The following GABRG3 variants were observed in gnomAD, a reference collection of about 807,000 sequenced individuals.
GABRG3 encodes gamma-aminobutyric acid type A receptor subunit gamma3.
In GABRG3, 25 loss-of-function variants were observed where a neutral mutation model predicts 48.8. The observed-to-expected ratio is 0.51, with a 90% CI of 0.37 to 0.72. The LOEUF is 0.72. Ranked by LOEUF, GABRG3 falls within the 30% of genes least tolerant of loss-of-function variation. The pLI, the probability that GABRG3 is intolerant of heterozygous loss-of-function variation, is 0.00. For synonymous variants in GABRG3, 227 were observed against 217.6 expected, an observed-to-expected ratio of 1.04 and a Z score of -0.38; for missense variants, 394 against 577.9, an observed-to-expected ratio of 0.68 and a Z score of 3.26.
At chr15:27,174,719 G>T (rs982340607) in intron 3 of GABRG3, among the ~76,000 whole-genome samples, 1 of 151,846 alleles carries the variant, frequency 6.6e-6, no homozygotes, top group Non-Finnish European at 1.5e-5. Flanking sequence ...TTCTCAGATT[G>T]TCCTATCTTT....
At chr15:27,238,447 G>A (rs981015022) in intron 3 of GABRG3, among the ~76,000 whole-genome samples, 2 of 152,224 alleles carry the variant, frequency 1.3e-5, no homozygotes, top group African/African-American at 4.8e-5. Flanking sequence ...TATTAGGGAG[G>A]CCACCGCGGG....
intron 5 of GABRG3, among the ~76,000 whole-genome samples, chr15:27,395,815 G>C (rs1281016073): frequency 6.6e-6 from 1 of 152,190 alleles, no homozygotes; most frequent in East Asian, 1.9e-4. Flanking sequence ...GCATTTCTTA[G>C]ATACTGCACC....
chr15:27,313,413 C>G (rs1170020692), intron 3 of GABRG3, among the ~76,000 whole-genome samples: 1 of 148,974 alleles, frequency 6.7e-6, no homozygotes, highest in Non-Finnish European at 1.5e-5. Context: ...ACCCCACTTT[C>G]AATACTGGAT....
intron 3 of GABRG3, among the ~76,000 whole-genome samples, chr15:27,057,223 CT>C (rs1896564161): frequency 1.3e-5 from 2 of 152,266 alleles, no homozygotes; most frequent in South Asian, 4.1e-4. Flanking sequence ...ACACATGAAA[CT>C]CCTCTGCTTC....
chr15:27,261,030 A>G (rs1236363747), intron 3 of GABRG3, among the ~76,000 whole-genome samples: 5 of 152,228 alleles, frequency 3.3e-5, no homozygotes. Flanking sequence ...TTAAAAAAGT[A>G]TACATTGCAT....
At chr15:27,366,212 G>A (rs1394966676) in intron 5 of GABRG3, 1 of 152,166 alleles carries the variant, frequency 6.6e-6, no homozygotes, top group Non-Finnish European at 1.5e-5. Context: ...ACGCAGGCAT[G>A]TGGACTCGGG....
intron 6 of GABRG3, among the ~76,000 whole-genome samples, chr15:27,485,463 G>A (rs1240330783): frequency 6.6e-6 from 1 of 152,140 alleles, no homozygotes; most frequent in Admixed American, 6.6e-5. Flanking sequence ...GCACCAGGAG[G>A]GGGCGTCACG....
chr15:27,214,138 C>G (rs753088061), intron 3 of GABRG3, among the ~76,000 whole-genome samples: 22 of 152,100 alleles, frequency 1.4e-4, no homozygotes, highest in Admixed American at 1.2e-3. Flanking sequence ...CTCTGATGGG[C>G]TCAATGTCAG....
chr15:27,360,321 G>A (rs1163822248), intron 5 of GABRG3, among the ~76,000 whole-genome samples: 1 of 152,152 alleles, frequency 6.6e-6, no homozygotes, highest in Non-Finnish European at 1.5e-5. Context: ...GACTTGACAA[G>A]GTCGGGTGGA....
intron 5 of GABRG3, among the ~76,000 whole-genome samples, chr15:27,449,122 C>T (rs1481278377): frequency 1.3e-5 from 2 of 152,178 alleles, no homozygotes; most frequent in African/African-American, 2.4e-5. Context: ...CCTTGCCCTG[C>T]TTTTCTTCTG....
At chr15:27,438,821 C>T (rs74006943) in intron 5 of GABRG3, among the ~76,000 whole-genome samples, 8,272 of 152,202 alleles carry the variant, frequency 0.054, 763 homozygotes, top group African/African-American at 0.19. Context: ...ACCGTGACAC[C>T]CAGCCAGGGT....
chr15:27,499,833 C>G (rs1890575848), intron 6 of GABRG3, among the ~76,000 whole-genome samples: 1 of 152,156 alleles, frequency 6.6e-6, no homozygotes, highest in Non-Finnish European at 1.5e-5. Flanking sequence ...GGAGCCTGAG[C>G]TCACCCCAGG....
At chr15:27,362,538 CA>C in intron 5 of GABRG3, 2 of 152,260 alleles carry the variant, frequency 1.3e-5, no homozygotes, top group Middle Eastern at 3.4e-3. Flanking sequence ...TAGTTTTTAG[CA>C]AAAAACTACA....
intron 3 of GABRG3, among the ~76,000 whole-genome samples, chr15:27,120,147 G>A (rs925055278): frequency 6.6e-6 from 1 of 152,146 alleles, no homozygotes; most frequent in South Asian, 2.1e-4. Flanking sequence ...AAAACTCCAT[G>A]TGTCCCCAGA....
At chr15:27,310,418 A>C (rs1217214195) in intron 3 of GABRG3, among the ~76,000 whole-genome samples, 1 of 152,160 alleles carries the variant, frequency 6.6e-6, no homozygotes, top group African/African-American at 2.4e-5. Context: ...AAATCTAGTA[A>C]AAGATGAGTA....
At chr15:27,159,396 C>T (rs997523989) in intron 3 of GABRG3, among the ~76,000 whole-genome samples, 7 of 151,820 alleles carry the variant, frequency 4.6e-5, no homozygotes, top group African/African-American at 9.7e-5. Context: ...GCATGAGAAT[C>T]GCTTGAACCT....
intron 3 of GABRG3, among the ~76,000 whole-genome samples, chr15:27,313,751 G>C (rs1020488455): frequency 6.6e-6 from 1 of 151,940 alleles, no homozygotes; most frequent in African/African-American, 2.4e-5. Context: ...AAATCAAAAA[G>C]TAAGTTAGAA....
intron 5 of GABRG3, among the ~76,000 whole-genome samples, chr15:27,400,173 T>C (rs1887433475): frequency 6.6e-6 from 1 of 152,210 alleles, no homozygotes; most frequent in African/African-American, 2.4e-5. Flanking sequence ...TTCTTTTTCC[T>C]CTACCTAATA....
At chr15:27,434,625 C>G (rs1888552852) in intron 5 of GABRG3, among the ~76,000 whole-genome samples, 1 of 152,086 alleles carries the variant, frequency 6.6e-6, no homozygotes, top group Non-Finnish European at 1.5e-5. Context: ...ATAACTTACC[C>G]AAATAAAGTA....
Sources: gnomAD v4.1 joint callset for allele counts (sites outside exome capture counted in the v4.1 genomes callset) on GRCh38, gnomAD v4.1.1 for gene constraint, MANE v1.5 for transcripts, NCBI Gene and HGNC (gene_info 2026-07-23, HGNC 2026-07-21) for gene names.